LARGE1: variants seen among roughly 807,000 people sequenced by gnomAD.
LARGE1 encodes the protein LARGE xylosyl- and glucuronyltransferase 1, also known as xylosyl- and glucuronyltransferase LARGE1.
Under a neutral mutation model 87.6 loss-of-function variants are expected in LARGE1, and 43 were observed. The observed-to-expected ratio is 0.49, with a 90% confidence interval of 0.38 to 0.63. The LOEUF is 0.63. Ranked by LOEUF, LARGE1 falls within the 30% of genes least tolerant of loss-of-function variation. The pLI is 0.00. For synonymous variants in LARGE1, 434 were observed against 394.6 expected (o/e 1.10, Z -1.18); for missense variants, 802 against 1,000.2 (o/e 0.80, Z 2.67).
intron 9 of LARGE1, among the ~76,000 whole-genome samples, chr22:33,371,452 T>C (rs2064805387): frequency 6.6e-6 from 1 of 152,342 alleles, no homozygotes; most frequent in East Asian, 1.9e-4. Flanking sequence ...AACTCCTTGA[T>C]AAGTAGGACT....
chr22:33,800,356 T>C (rs1407947946), intron 1 of LARGE1, among the ~76,000 whole-genome samples: 2 of 152,234 alleles, frequency 1.3e-5, no homozygotes. Context: ...GAAAGTAACA[T>C]CAGCAAGATA....
At chr22:33,156,579 A>C in the LARGE1 span, among the ~76,000 whole-genome samples, 3 of 152,152 alleles carry the variant, frequency 2.0e-5, no homozygotes, top group Admixed American at 2.0e-4. Flanking sequence ...CATTGTATCT[A>C]GGAGGTAACT....
chr22:33,808,492 G>C (rs1219338316), intron 1 of LARGE1, among the ~76,000 whole-genome samples: 1 of 152,186 alleles, frequency 6.6e-6, no homozygotes, highest in African/African-American at 2.4e-5. Context: ...AAATAGGTTG[G>C]GGGAAATCCA....
the LARGE1 span, among the ~76,000 whole-genome samples, chr22:33,115,168 C>A: frequency 6.6e-6 from 1 of 152,108 alleles, no homozygotes; most frequent in Admixed American, 6.5e-5. Flanking sequence ...GAAGTTCTGA[C>A]CCCCCATTAT....
At chr22:33,528,018 G>A (rs1040069755) in intron 6 of LARGE1, among the ~76,000 whole-genome samples, 2 of 151,368 alleles carry the variant, frequency 1.3e-5, no homozygotes, top group African/African-American at 4.9e-5. Context: ...TCAGGCTGCT[G>A]GAAAGATTAA....
At chr22:33,499,404 T>C (rs2070322796) in intron 6 of LARGE1, among the ~76,000 whole-genome samples, 2 of 152,120 alleles carry the variant, frequency 1.3e-5, no homozygotes, top group African/African-American at 4.8e-5. Flanking sequence ...TAACGATTGG[T>C]TAAGGAATGG....
chr22:33,195,862 C>A (rs1924046786), intron 11 of LARGE1, among the ~76,000 whole-genome samples: 1 of 149,474 alleles, frequency 6.7e-6, no homozygotes, highest in Admixed American at 6.8e-5. Context: ...TCACGCTATT[C>A]TCCTGCCTCA....
At chr22:33,210,706 TCACACG>T (rs1281534040) in intron 11 of LARGE1, among the ~76,000 whole-genome samples, 4 of 152,244 alleles carry the variant, frequency 2.6e-5, no homozygotes, top group Non-Finnish European at 4.4e-5. Context: ...CACTGGGCGC[TCACACG>T]CACACGGGCT....
At chr22:33,617,351 A>G (rs2079609626) in intron 4 of LARGE1, among the ~76,000 whole-genome samples, 1 of 152,190 alleles carries the variant, frequency 6.6e-6, no homozygotes, top group African/African-American at 2.4e-5. Context: ...GCAAATTCCA[A>G]AATCAGCCAA....
At chr22:33,549,127 A>G (rs2077448772) in intron 6 of LARGE1, among the ~76,000 whole-genome samples, 1 of 151,952 alleles carries the variant, frequency 6.6e-6, no homozygotes, top group Non-Finnish European at 1.5e-5. Context: ...TTCAATAAGG[A>G]CCCTCCATTC....
At chr22:33,492,459 C>G (rs1346603311) in intron 6 of LARGE1, among the ~76,000 whole-genome samples, 1 of 152,168 alleles carries the variant, frequency 6.6e-6, no homozygotes, top group African/African-American at 2.4e-5. Flanking sequence ...CTCCTTTGTC[C>G]CCTCAAACCC....
intron 6 of LARGE1, among the ~76,000 whole-genome samples, chr22:33,526,979 G>GGGT (rs1323686833): frequency 6.6e-6 from 1 of 152,188 alleles, no homozygotes; most frequent in Admixed American, 6.5e-5. Flanking sequence ...AATTCCGGCT[G>GGGT]GGTGCAGTGG....
At chr22:33,882,175 C>T (rs1353648425) in intron 1 of LARGE1, among the ~76,000 whole-genome samples, 6 of 151,932 alleles carry the variant, frequency 3.9e-5, no homozygotes, top group Non-Finnish European at 7.4e-5. Flanking sequence ...GGACTACAGG[C>T]ACCTGCCACC....
chr22:33,569,396 A>C (rs895566732), intron 5 of LARGE1, among the ~76,000 whole-genome samples: 2 of 152,186 alleles, frequency 1.3e-5, no homozygotes, highest in African/African-American at 4.8e-5. Context: ...GAATAAATTA[A>C]TCTCAACATG....
intron 7 of LARGE1, among the ~76,000 whole-genome samples, chr22:33,414,393 A>C (rs925306294): frequency 2.0e-5 from 3 of 152,148 alleles, no homozygotes; most frequent in Non-Finnish European, 4.4e-5. Flanking sequence ...AATCTGCTAT[A>C]GTTAACAATA....
At chr22:33,158,788 G>T (rs1038065861), downstream of LARGE1, among the ~76,000 whole-genome samples, 1 of 152,078 alleles carries the variant, frequency 6.6e-6, no homozygotes, top group African/African-American at 2.4e-5. Context: ...CTGGACAAAG[G>T]GATAAATTCC....
chr22:33,210,612 C>G (rs939818197), intron 11 of LARGE1, among the ~76,000 whole-genome samples: 22 of 152,402 alleles, frequency 1.4e-4, no homozygotes, highest in Middle Eastern at 3.4e-3. Context: ...CCTTAAGTCA[C>G]CGGCAGACGT....
At chr22:33,840,675 CT>C (rs35709738) in intron 1 of LARGE1, among the ~76,000 whole-genome samples, 32,319 of 148,496 alleles carry the variant, frequency 0.22, 3,627 homozygotes, top group Admixed American at 0.35. Flanking sequence ...GATTTTTCAG[CT>C]TTTTTTTTTT....
At chr22:33,435,316 G>A (rs886968906) in intron 6 of LARGE1, among the ~76,000 whole-genome samples, 2 of 152,070 alleles carry the variant, frequency 1.3e-5, no homozygotes, top group Non-Finnish European at 2.9e-5. Context: ...CGGGTATTTT[G>A]CCAGCAGCTG....
Sources: gnomAD v4.1 joint callset for allele counts (sites outside exome capture counted in the v4.1 genomes callset) on GRCh38, gnomAD v4.1.1 for gene constraint, MANE v1.5 for transcripts, NCBI Gene and HGNC (gene_info 2026-07-23, HGNC 2026-07-21) for gene names.